ANO4: variants seen among roughly 807,000 people sequenced by gnomAD.
ANO4 encodes anoctamin 4.
In ANO4, 69 loss-of-function variants were observed where a neutral mutation model predicts 141.9. The ratio of observed to expected loss-of-function variants is 0.49; its 90% confidence interval spans 0.40 to 0.59. The LOEUF is 0.59. Among genes scored for constraint, ANO4 ranks in the 20% least tolerant of loss-of-function variants. ANO4 has a pLI of 0.00. For missense variants in ANO4, 894 were observed against 1,162.2 expected (o/e 0.77, Z 3.36); for synonymous variants, 350 against 394.3 (o/e 0.89, Z 1.33).
Position 101,043,531 on chromosome 12 carries a change from T to TC in ANO4, c.1155-8_1155-7insC. The TC allele has an allele frequency of 6.2e-7, 1 of 1,606,574 alleles. No homozygotes were observed. Reference sequence around the variant, plus strand: ...TCAAAAAGCAGTCCTTTCTGTTCTCTTTTCCAGTAAAGAAGTCTGCCAAGC... The same window carrying TC: ...TCAAAAAGCAGTCCTTTCTGTTCTCTCTTTCCAGTAAAGAAGTCTGCCAAGC... On this transcript the variant is annotated splice_polypyrimidine_tract_variant and splice_region_variant and intron_variant, in intron 12 of 27. Coordinates refer to ENST00000392977, the MANE Select transcript of ANO4 (RefSeq NM_001286615.2).
In ANO4 at chr12:101,040,017, CTA is replaced by C; in HGVS notation, c.962_963del (p.Tyr321Ter). 6.2e-7 allele frequency: 1 copy of C among 1,613,644 alleles called. No homozygotes were observed. Among genetic ancestry groups the C allele is most frequent in the Non-Finnish European group, 8.5e-7 (1 of 1,179,600 alleles). On this transcript the variant is annotated frameshift_variant, in exon 11 of 28. Transcript: ENST00000392977. LOFTEE classifies it high-confidence loss of function. ...HGAENHRHLL[Y>X]ECWASWGVWY... Reference sequence around the variant, plus strand: ...GAGCAGAAAACCACCGACATCTACTCTATGAGTGCTGGGCCTCCTGGGGCGTG... The same window carrying C: ...GAGCAGAAAACCACCGACATCTACTCTGAGTGCTGGGCCTCCTGGGGCGTG...
intron 1 of ANO4, among the ~76,000 whole-genome samples, chr12:100,865,026 T>G (rs1244114704): frequency 6.6e-6 from 1 of 152,228 alleles, no homozygotes; most frequent in Non-Finnish European, 1.5e-5. Context: ...TTATCCAGGC[T>G]ATCATTGATG....
At chr12:100,869,335 A>T (rs1158780747) in intron 1 of ANO4, among the ~76,000 whole-genome samples, 4 of 152,138 alleles carry the variant, frequency 2.6e-5, no homozygotes, top group African/African-American at 9.7e-5. Flanking sequence ...CTGTGCTTGG[A>T]CCTGAGTCTT....
rs181836384 is a variant in ANO4, at chr12:100,831,684, G to A, written c.-141+36657G>A. Among the ~76,000 whole-genome samples the A allele has an allele frequency of 5.3e-5, 8 of 152,172 alleles. No homozygotes were observed. The East Asian group carries it at 1.4e-3, about 26-fold the overall frequency. On this transcript the variant is annotated intron_variant, in intron 1 of 27. Coordinates refer to ENST00000392977, the MANE Select transcript of ANO4 (RefSeq NM_001286615.2). Reference sequence around the variant, plus strand: ...TAAAATGTATTAAAATAAACTTGTGGTTCTAGCTTCATTAGGTTGTGATAA... The same window carrying A: ...TAAAATGTATTAAAATAAACTTGTGATTCTAGCTTCATTAGGTTGTGATAA...
intron 1 of ANO4, among the ~76,000 whole-genome samples, chr12:100,795,516 C>T (rs1358048154): frequency 6.6e-6 from 1 of 152,180 alleles, no homozygotes; most frequent in African/African-American, 2.4e-5. Context: ...GTTTTCTGCA[C>T]CTGCCCGTGT....
At chr12:100,841,053 G>A (rs566341152) in intron 1 of ANO4, among the ~76,000 whole-genome samples, 5 of 152,008 alleles carry the variant, frequency 3.3e-5, no homozygotes, top group Non-Finnish European at 7.4e-5. Context: ...TAGGAGGTGA[G>A]CAATGGGAAC....
At chr12:100,970,970 C>T (rs999105759) in intron 5 of ANO4, among the ~76,000 whole-genome samples, 1 of 152,188 alleles carries the variant, frequency 6.6e-6, no homozygotes, top group African/African-American at 2.4e-5. Context: ...CTGCCTCAGC[C>T]TCCCAAACTG....
intron 1 of ANO4, among the ~76,000 whole-genome samples, chr12:100,854,518 T>C (rs1565939065): frequency 1.3e-5 from 2 of 152,182 alleles, no homozygotes; most frequent in Non-Finnish European, 2.9e-5. Flanking sequence ...GTGCCTCATG[T>C]TTCTTAATGA....
intron 1 of ANO4, among the ~76,000 whole-genome samples, chr12:100,798,984 CA>C (rs1368902117): frequency 7.2e-5 from 11 of 152,294 alleles, no homozygotes; most frequent in African/African-American, 2.6e-4. Context: ...GTTGGTCCCC[CA>C]CAGGGGACCT....
chr12:100,765,831 C>T (rs1471818847), intron 3 of ANO4, among the ~76,000 whole-genome samples: 1 of 150,320 alleles, frequency 6.7e-6, no homozygotes, highest in African/African-American at 2.4e-5. Flanking sequence ...AGGATTAAAT[C>T]AAGCTAATAG....
intron 1 of ANO4, among the ~76,000 whole-genome samples, chr12:100,835,767 T>C (rs2036879226): frequency 6.6e-6 from 1 of 152,072 alleles, no homozygotes; most frequent in Non-Finnish European, 1.5e-5. Context: ...CAGATATCAG[T>C]GAGGCTGATA....
At chr12:101,048,238 A>G in intron 13 of ANO4, 103 bp from the exon 14 acceptor site, 1 of 1,340,288 alleles carries the variant, frequency 7.5e-7, no homozygotes, top group East Asian at 2.3e-5. Flanking sequence ...AAGCCTGTAA[A>G]ACTCATTATA....
chr12:100,826,613 C>A (rs2036358050), intron 1 of ANO4, among the ~76,000 whole-genome samples: 1 of 151,890 alleles, frequency 6.6e-6, no homozygotes, highest in Admixed American at 6.6e-5. Flanking sequence ...ACCGCAATGG[C>A]CCTGTTCCTT....
intron 17 of ANO4, 40 bp from the exon 18 acceptor site, chr12:101,094,216 G>T (rs200459497): frequency 2.7e-5 from 42 of 1,527,556 alleles, no homozygotes; most frequent in Non-Finnish European, 3.7e-5. Context: ...TTTATAATAC[G>T]TGCAGTTCAT....
At chr12:100,940,956 T>C (rs552951383) in intron 4 of ANO4, among the ~76,000 whole-genome samples, 50 of 152,282 alleles carry the variant, frequency 3.3e-4, no homozygotes, top group Non-Finnish European at 5.9e-4. Flanking sequence ...AACTTCTATG[T>C]AAGTTACAAA....
chr12:100,724,333 C>T (rs2031008514), intron 1 of ANO4, among the ~76,000 whole-genome samples: 1 of 152,184 alleles, frequency 6.6e-6, no homozygotes, highest in Admixed American at 6.5e-5. Flanking sequence ...GCAAACATTT[C>T]TTGTGCCTTC....
intron 10 of ANO4, 39 bp downstream of exon 10, chr12:101,037,189 G>C (rs752066873): frequency 6.3e-7 from 1 of 1,593,950 alleles, no homozygotes; most frequent in African/African-American, 1.3e-5. Context: ...TCTTTCAATC[G>C]TTTGTTACTA....
At chr12:100,755,562 G>A (rs1283376209) in intron 3 of ANO4, among the ~76,000 whole-genome samples, 1 of 152,100 alleles carries the variant, frequency 6.6e-6, no homozygotes, top group African/African-American at 2.4e-5. Context: ...TTTAAGTCTA[G>A]GTTCTATCCT....
At chr12:100,798,067 T>G (rs1423976371) in intron 1 of ANO4, among the ~76,000 whole-genome samples, 1 of 152,214 alleles carries the variant, frequency 6.6e-6, no homozygotes, top group Non-Finnish European at 1.5e-5. Flanking sequence ...ATTTTGCATT[T>G]TAATTAATGA....
Sources: gnomAD v4.1 joint callset for allele counts (sites outside exome capture counted in the v4.1 genomes callset) on GRCh38, gnomAD v4.1.1 for gene constraint, MANE v1.5 for transcripts, NCBI Gene and HGNC (gene_info 2026-07-23, HGNC 2026-07-21) for gene names.